The following ZNF829 variants were observed in gnomAD, a reference collection of about 807,000 sequenced individuals.
ZNF829 encodes the protein zinc finger protein 829.
In ZNF829, 25 loss-of-function variants were observed where a neutral mutation model predicts 35.2. The ratio of observed to expected loss-of-function variants is 0.71; its 90% CI spans 0.52 to 0.99. ZNF829 has a LOEUF of 0.99. Ranked by LOEUF, ZNF829 falls within the 50% of genes least tolerant of loss-of-function variation. ZNF829 has a pLI of 0.00. For synonymous variants in ZNF829, 136 were observed against 163.2 expected (o/e 0.83, Z 1.27); for missense variants, 417 against 515.3 (o/e 0.81, Z 1.85).
chr19:36,893,994 C>A (rs1381552709), intron 5 of ZNF829, among the ~76,000 whole-genome samples: 1 of 152,218 alleles, frequency 6.6e-6, no homozygotes. Flanking sequence ...CTTCCACTTG[C>A]TCAAGAAGCC....
intron 5 of ZNF829, 132 bp downstream of exon 5, chr19:36,907,797 G>C (rs1188349280): frequency 1.5e-6 from 1 of 666,494 alleles, no homozygotes. Context: ...TAGGGAAAAA[G>C]TATGAGAAAA....
In ZNF829 at chr19:36,890,941, G is replaced by C. The variant is rs1256346585; in HGVS notation, c.*551C>G. On this transcript the variant is annotated 3_prime_UTR_variant, in exon 6 of 6. Transcript: ENST00000391711. Reference sequence around the variant, plus strand: ...TATATTAGACAAAATCATTCTAACAGGGTATTATGGGTTGAACTGTATCCC... The same window carrying C: ...TATATTAGACAAAATCATTCTAACACGGTATTATGGGTTGAACTGTATCCC... 6.6e-6 allele frequency: 1 copy of C among 152,262 alleles called. No individual in the cohort carries two copies. The highest frequency in any genetic ancestry group is 2.4e-5 in the African/African-American group (1 of 41,426). The allele number at this position is 152,262 out of a possible 1,614,324, so 9.4% of individuals were successfully genotyped here. A position where few individuals can be genotyped will look rare whatever the true frequency, so the allele number is the denominator to read the frequency against.
In ZNF829 at chr19:36,892,219, T is replaced by C. The variant is rs375229250; in HGVS notation, c.572A>G (p.Lys191Arg). The change falls in exon 6 of 6, where the codon AAG (lysine) becomes AGG (arginine). Residue 191 changes from lysine to arginine, a missense_variant. Lys to Arg is a conservative substitution (Grantham distance 26). Transcript: ENST00000391711. The stretch of plus-strand genomic sequence containing the variant: ...AACGAGTGAGCCACGACTAAAGGAC[T>C]TCCCATACTCCTTAGATTCATAGTG... ...EKHYESKEYG[K>R]SFSRGSLVTR... 1.7e-5 allele frequency: 27 copies of C among 1,614,024 alleles called. No homozygotes were observed. The Middle Eastern group carries it at 4.9e-4, about 29-fold the overall frequency.
rs536658689 is a variant in ZNF829 at position 36,896,322 on chromosome 19, A to G, written c.320-3851T>C. 5.3e-5 allele frequency among the ~76,000 whole-genome samples: 8 copies of G among 151,324 alleles called. No homozygotes were observed. The East Asian group carries it at 1.5e-3, about 29-fold the overall frequency. On this transcript the variant is annotated intron_variant, in intron 5 of 5. Coordinates refer to ENST00000391711, the MANE Select transcript of ZNF829 (RefSeq NM_001037232.4). ...CAAGACTGTCAAAAAAAAAAAAAGAAAGAAAAAAAAATTAGCTGGGCGTGG... is the reference window on the plus strand; with the variant it reads ...CAAGACTGTCAAAAAAAAAAAAAGAGAGAAAAAAAAATTAGCTGGGCGTGG...
intron 5 of ZNF829, chr19:36,892,971 G>T: frequency 2.2e-6 from 1 of 461,942 alleles, no homozygotes; most frequent in Non-Finnish European, 3.6e-6. Context: ...TTCTGCTCCA[G>T]GGCATGCACC....
chr19:36,892,358 G>T lies in ZNF829; in HGVS notation c.433C>A (p.Pro145Thr), dbSNP rs762136640. ...TCTTCACTCATAGTTTTTTGAGGTG[G>T]AATAAGAAATGTGGGCTGAATAAAA... Reference protein sequence around the residue: ...STFIQPTFLIPPQKTMSEEKP... With the variant: ...STFIQPTFLITPQKTMSEEKP... The change falls in exon 6 of 6, where the codon CCA (proline) becomes ACA (threonine). Residue 145 changes from proline (P) to threonine (T), a missense_variant. Pro to Thr is a conservative substitution (Grantham distance 38). Transcript: ENST00000391711. The T allele has an allele frequency of 1.2e-6, 2 of 1,613,626 alleles. No homozygotes were observed. The highest frequency in any genetic ancestry group is 2.2e-5 in the East Asian group (1 of 44,852).
chr19:36,909,326 G>GA (rs1459290159), intron 3 of ZNF829, among the ~76,000 whole-genome samples: 3 of 151,850 alleles, frequency 2.0e-5, no homozygotes, highest in Non-Finnish European at 4.4e-5. Flanking sequence ...TAGAGAATTT[G>GA]AAAAAAATAG....
intron 3 of ZNF829, among the ~76,000 whole-genome samples, chr19:36,911,750 C>T (rs1263307217): frequency 2.0e-5 from 3 of 152,124 alleles, no homozygotes; most frequent in Non-Finnish European, 2.9e-5. Context: ...TTCTCTGGAG[C>T]TTAGGGGGCA....
At chr19:36,904,042 G>C (rs1468263009) in intron 5 of ZNF829, among the ~76,000 whole-genome samples, 1 of 152,072 alleles carries the variant, frequency 6.6e-6, no homozygotes, top group East Asian at 1.9e-4. Context: ...TATGAAAATA[G>C]AAAGTACAAA....
intron 3 of ZNF829, among the ~76,000 whole-genome samples, chr19:36,914,697 T>G (rs772656037): frequency 6.6e-6 from 1 of 152,190 alleles, no homozygotes; most frequent in Non-Finnish European, 1.5e-5. Flanking sequence ...ATTTGGTTTT[T>G]GACAAATAAT....
chr19:36,911,497 C>G (rs1462046525), intron 3 of ZNF829, among the ~76,000 whole-genome samples: 2 of 152,104 alleles, frequency 1.3e-5, no homozygotes, highest in African/African-American at 4.8e-5. Context: ...TAGGCATGAC[C>G]AGCTGGGACT....
chr19:36,902,716 T>A lies in ZNF829; in HGVS notation c.319+5213A>T, dbSNP rs150072705. On this transcript the variant is annotated intron_variant, in intron 5 of 5. Transcript: ENST00000391711. Reference sequence around the variant, plus strand: ...TTATGTGTTAAACCAAATCAAATTATAGTTCTGTCAGACTTTTTGACATCC... The same window carrying A: ...TTATGTGTTAAACCAAATCAAATTAAAGTTCTGTCAGACTTTTTGACATCC... 2.6e-5 allele frequency among the ~76,000 whole-genome samples: 4 copies of A among 151,192 alleles called. No homozygotes were observed. In the East Asian group the frequency reaches 7.9e-4, roughly 30 times the overall value.
chr19:36,903,352 T>A (rs558442770), intron 5 of ZNF829, among the ~76,000 whole-genome samples: 9 of 152,324 alleles, frequency 5.9e-5, no homozygotes, highest in African/African-American at 2.2e-4. Context: ...GGGTCAAGGG[T>A]AATTTTAGTT....
intron 5 of ZNF829, among the ~76,000 whole-genome samples, chr19:36,894,947 A>G (rs947020889): frequency 1.3e-5 from 2 of 152,184 alleles, no homozygotes; most frequent in Admixed American, 1.3e-4. Flanking sequence ...AGAAGGCTCA[A>G]TGATGCCCAA....
chr19:36,891,755 G>T lies in ZNF829; in HGVS notation c.1036C>A (p.His346Asn), dbSNP rs747151341. ...ASTLTNHHRI[H>N]AGEKLYECEE... Reference sequence around the variant, plus strand: ...CATTCATAGAGCTTCTCACCAGCATGAATTCTGTGATGGTTAGTAAGTGTT... The same window carrying T: ...CATTCATAGAGCTTCTCACCAGCATTAATTCTGTGATGGTTAGTAAGTGTT... Residue 346 changes from histidine to asparagine, a missense_variant, in exon 6 of 6, where the codon CAT becomes AAT. Transcript: ENST00000391711. 8.1e-6 allele frequency: 13 copies of T among 1,614,148 alleles called. No individual in the cohort carries two copies. Among genetic ancestry groups the T allele is most frequent in the Non-Finnish European group, 9.3e-6 (11 of 1,180,028 alleles).
At chr19:36,902,169 G>GAAA in intron 5 of ZNF829, 2 of 168,916 alleles carry the variant, frequency 1.2e-5, no homozygotes, top group South Asian at 1.2e-4. Context: ...AAAAAAAAAA[G>GAAA]AAAAAAAAAA....
chr19:36,892,013 T>G lies in ZNF829; in HGVS notation c.778A>C (p.Arg260=). Residue 260 remains arginine, a synonymous_variant, in exon 6 of 6, where the codon AGA becomes CGA. Coordinates refer to ENST00000391711, the MANE Select transcript of ZNF829 (RefSeq NM_001037232.4). The part of the protein sequence containing the change: ...KYCSNLNDHQ[R]IHTGEKPYEC... ...TAGGGTTTCTCACCAGTGTGAATTC[T>G]CTGATGATCATTAAGGTTTGAGCAA... The G allele has an allele frequency of 6.2e-7, 1 of 1,613,838 alleles. No individual in the cohort carries two copies. Among genetic ancestry groups the G allele is most frequent in the Non-Finnish European group, 8.5e-7 (1 of 1,179,862 alleles).
chr19:36,892,405 A>G lies in ZNF829; in HGVS notation c.386T>C (p.Ile129Thr). 1.9e-6 allele frequency: 3 copies of G among 1,611,484 alleles called. No individual in the cohort carries two copies. Among genetic ancestry groups the G allele is most frequent in the Non-Finnish European group, 2.5e-6 (3 of 1,179,696 alleles). Residue 129 changes from isoleucine to threonine, a missense_variant, in exon 6 of 6, where the codon ATT becomes ACT. Coordinates refer to ENST00000391711, the MANE Select transcript of ZNF829 (RefSeq NM_001037232.4). ...LKKRHFSQVI[I>T]TREDMSTFIQ... ...AAAAGTAGACATGTCTTCACGGGTA[A>G]TTATTACTTGACTGAAATGTCTCTT...
At chr19:36,913,521 A>G (rs981409683) in intron 3 of ZNF829, among the ~76,000 whole-genome samples, 3 of 152,162 alleles carry the variant, frequency 2.0e-5, no homozygotes, top group Non-Finnish European at 1.5e-5. Flanking sequence ...TGCCATGCCC[A>G]CTGCCCCCTC....
Sources: allele counts gnomAD v4.1 joint callset (sites outside exome capture counted in the v4.1 genomes callset), GRCh38; gene constraint gnomAD v4.1.1; transcripts MANE v1.5; gene names NCBI Gene and HGNC (gene_info 2026-07-23, HGNC 2026-07-21).